ZNHIT3: variants seen among roughly 807,000 people sequenced by gnomAD.
ZNHIT3 encodes zinc finger HIT-type containing 3, also known as zinc finger HIT domain-containing protein 3.
Under a neutral mutation model 19.9 loss-of-function variants are expected in ZNHIT3, and 27 were observed. The observed-to-expected ratio is 1.36, with a 90% CI of 1.00 to 1.87. The LOEUF is 1.87. Among genes scored for constraint, ZNHIT3 ranks in the 40% most tolerant of loss-of-function variants. The probability of loss-of-function intolerance (pLI) is 0.00; values close to 1 mark genes in which losing one functional copy is unlikely to be tolerated. For missense variants in ZNHIT3, 215 were observed against 185.6 expected, an observed-to-expected ratio of 1.16 and a Z score of -0.92; for synonymous variants, 81 against 65.7, an observed-to-expected ratio of 1.23 and a Z score of -1.13.
chr17:36,495,861 T>C, downstream of ZNHIT3: 3 of 1,240,558 alleles, frequency 2.4e-6, no homozygotes, highest in Middle Eastern at 3.1e-4. Flanking sequence ...ACAAGATTTT[T>C]CCCAGCCCAA....
downstream of ZNHIT3, chr17:36,495,895 A>G (rs2070925314): frequency 8.2e-7 from 1 of 1,224,622 alleles, no homozygotes; most frequent in Non-Finnish European, 1.0e-6. Context: ...TTTTAGGCCA[A>G]CTTTGGCTGT....
At chr17:36,497,185 A>T (rs1044793419), downstream of ZNHIT3, among the ~76,000 whole-genome samples, 4 of 151,708 alleles carry the variant, frequency 2.6e-5, no homozygotes, top group Non-Finnish European at 5.9e-5. Flanking sequence ...CAAAAAAAAA[A>T]ATATAGCCAG....
At chr17:36,493,422 C>T (rs2070771951) in intron 3 of ZNHIT3, among the ~76,000 whole-genome samples, 1 of 152,240 alleles carries the variant, frequency 6.6e-6, no homozygotes, top group Admixed American at 6.5e-5. Flanking sequence ...TCTGGTGCCA[C>T]CAAAGAGGTA....
At chr17:36,499,232 G>T (rs1177574288), downstream of ZNHIT3, 1 of 1,087,194 alleles carries the variant, frequency 9.2e-7, no homozygotes, top group Non-Finnish European at 1.4e-6. Flanking sequence ...CCTCGCTGCA[G>T]CAGCACCACA....
In ZNHIT3 at chr17:36,495,770, A is replaced by G; in HGVS notation, c.*366A>G. On this transcript the variant is annotated 3_prime_UTR_variant, in exon 5 of 5. Coordinates refer to ENST00000617429, the MANE Select transcript of ZNHIT3 (RefSeq NM_004773.4). Reference sequence around the variant, plus strand: ...GATTCTACTGTACATTGCATTATTCATAATTTAATTGTTTGAAATTACATT... The same window carrying G: ...GATTCTACTGTACATTGCATTATTCGTAATTTAATTGTTTGAAATTACATT... The G allele has an allele frequency of 5.6e-6, 7 of 1,240,980 alleles. No individual in the cohort carries two copies. Among genetic ancestry groups the G allele is most frequent in the Non-Finnish European group, 7.0e-6 (7 of 993,172 alleles). The allele number at this position is 1,240,980 out of a possible 1,614,324, so 76.9% of individuals were successfully genotyped here. A position where few individuals can be genotyped will look rare whatever the true frequency, so the allele number is the denominator to read the frequency against.
Position 36,495,680 on chromosome 17 carries a change from A to AAT in ZNHIT3, c.*277_*278insTA. The AAT allele has an allele frequency of 7.9e-7, 1 of 1,270,286 alleles. No homozygotes were observed. The highest frequency in any genetic ancestry group is 3.0e-4 in the Middle Eastern group (1 of 3,344). The allele number at this position is 1,270,286 out of a possible 1,614,324, so 78.7% of individuals were successfully genotyped here. A position where few individuals can be genotyped will look rare whatever the true frequency, so the allele number is the denominator to read the frequency against. ...TTTTGGTACAGTTGATAGACATCAT[A>AAT]AACGATATCAAGCTTACACTTCATA... is the stretch of plus-strand genomic sequence containing the variant. On this transcript the variant is annotated 3_prime_UTR_variant, in exon 5 of 5. Coordinates refer to ENST00000617429, the MANE Select transcript of ZNHIT3 (RefSeq NM_004773.4).
chr17:36,491,894 C>A (rs368620261), intron 2 of ZNHIT3: 1 of 152,158 alleles, frequency 6.6e-6, no homozygotes, highest in African/African-American at 2.4e-5. Flanking sequence ...TAGCTGTGGA[C>A]CCCAATGGAC....
At position 36,494,006 on chromosome 17, in the gene ZNHIT3, G is replaced by GGTAA; in HGVS notation, c.286+3_286+6dup. The GGTAA allele has an allele frequency of 6.2e-7, 1 of 1,608,586 alleles. No individual in the cohort carries two copies. The highest frequency in any genetic ancestry group is 1.1e-5 in the South Asian group (1 of 90,968). On this transcript the variant is annotated frameshift_variant and splice_region_variant. Coordinates refer to ENST00000617429, the MANE Select transcript of ZNHIT3 (RefSeq NM_004773.4). LOFTEE classifies it high-confidence loss of function. ...TTCTTTGCAGAATTTAAAGAATTTA[G>GGTAA]GTAAGTCTGTGCTATGCTTGTCAAT...
In ZNHIT3 at chr17:36,486,790, G is replaced by C. The variant is rs372589679; in HGVS notation, c.86+5G>C. Reference sequence around the variant, plus strand: ...TCCAGCCTGCCGCGTGCCCTAGTGAGCGGGGAGGTCGCGGGGTCCAGGGGC... The same window carrying C: ...TCCAGCCTGCCGCGTGCCCTAGTGACCGGGGAGGTCGCGGGGTCCAGGGGC... On this transcript the variant is annotated splice_donor_5th_base_variant and intron_variant, in intron 1 of 4. Transcript: ENST00000617429. 6.2e-7 allele frequency: 1 copy of C among 1,612,692 alleles called. No individual in the cohort carries two copies. The highest frequency in any genetic ancestry group is 1.1e-5 in the South Asian group (1 of 90,970).
At chr17:36,499,243 G>A, downstream of ZNHIT3, 1 of 933,620 alleles carries the variant, frequency 1.1e-6, no homozygotes, top group Middle Eastern at 2.2e-4. Context: ...CAGCACCACA[G>A]TTGCTGTCAA....
intron 2 of ZNHIT3, among the ~76,000 whole-genome samples, chr17:36,488,358 A>G (rs564634542): frequency 5.8e-4 from 89 of 152,212 alleles, no homozygotes; most frequent in African/African-American, 1.9e-3. Flanking sequence ...CAGCCTGGCC[A>G]ACATTATGAA....
chr17:36,489,954 T>C (rs977272156), intron 2 of ZNHIT3: 1 of 151,280 alleles, frequency 6.6e-6, no homozygotes, highest in Admixed American at 6.6e-5. Flanking sequence ...TTTTTTTTTT[T>C]TGGCTGTTGA....
At chr17:36,488,202 T>C (rs576314077) in intron 2 of ZNHIT3, among the ~76,000 whole-genome samples, 2 of 152,114 alleles carry the variant, frequency 1.3e-5, no homozygotes, top group African/African-American at 2.4e-5. Context: ...GCAATGAGAC[T>C]GTACCCAACA....
chr17:36,498,018 AGATTT>A, downstream of ZNHIT3: 1 of 505,190 alleles, frequency 2.0e-6, no homozygotes, highest in South Asian at 3.7e-5. Context: ...TGGGACTAGA[AGATTT>A]AGAGATGCTG....
At chr17:36,499,068 T>C (rs756462232), downstream of ZNHIT3, 1 of 1,602,344 alleles carries the variant, frequency 6.2e-7, no homozygotes, top group Admixed American at 1.7e-5. Context: ...TCTTGGGTCT[T>C]ACTTACTCTC....
intron 1 of ZNHIT3, 23 bp downstream of exon 1, chr17:36,486,808 C>T (rs1357632770): frequency 6.2e-7 from 1 of 1,609,296 alleles, no homozygotes; most frequent in South Asian, 1.1e-5. Context: ...GTCGCGGGGT[C>T]CAGGGGCGCG....
At position 36,486,975 on chromosome 17, in the gene ZNHIT3, C is replaced by G; in HGVS notation, c.118+9C>G. The G allele has an allele frequency of 2.5e-6, 4 of 1,610,882 alleles. No individual in the cohort carries two copies. Among genetic ancestry groups the G allele is most frequent in the Non-Finnish European group, 2.5e-6 (3 of 1,179,378 alleles). On this transcript the variant is annotated intron_variant, in intron 2 of 4. Coordinates refer to ENST00000617429, the MANE Select transcript of ZNHIT3 (RefSeq NM_004773.4). ...CTTCCGGAAGCACAAAGGTGAGCCC[C>G]GTCCCCGCCAGCCCTCGTACCACTG...
At position 36,495,529 on chromosome 17, in the gene ZNHIT3, A is replaced by G; in HGVS notation, c.*125A>G. On this transcript the variant is annotated 3_prime_UTR_variant, in exon 5 of 5. Transcript: ENST00000617429. Reference sequence around the variant, plus strand: ...AAAAGAGGTTTCCAGGATGCAGATTAGGTCATGCAGGCCTTTACCGGCATT... The same window carrying G: ...AAAAGAGGTTTCCAGGATGCAGATTGGGTCATGCAGGCCTTTACCGGCATT... 1.5e-6 allele frequency: 2 copies of G among 1,375,298 alleles called. No individual in the cohort carries two copies. Among genetic ancestry groups the G allele is most frequent in the Non-Finnish European group, 1.9e-6 (2 of 1,068,284 alleles). 85.2% of individuals were successfully genotyped at this position (1,375,298 alleles called of 1,614,324 possible). A position where few individuals can be genotyped will look rare whatever the true frequency, so the allele number is the denominator to read the frequency against.
chr17:36,498,254 C>T (rs553814007), downstream of ZNHIT3: 6 of 1,602,460 alleles, frequency 3.7e-6, no homozygotes, highest in Non-Finnish European at 5.1e-6. Flanking sequence ...ATGGCCATCA[C>T]ACACAACGTA....
Sources: gnomAD v4.1 joint callset for allele counts (sites outside exome capture counted in the v4.1 genomes callset) on GRCh38, gnomAD v4.1.1 for gene constraint, MANE v1.5 for transcripts, NCBI Gene and HGNC (gene_info 2026-07-23, HGNC 2026-07-21) for gene names.